KLHL1: variants seen among roughly 807,000 people sequenced by gnomAD.
The protein encoded by KLHL1 is kelch-like protein 1.
KLHL1 carries 47 observed loss-of-function variants against 77.7 expected under a neutral mutation model. The ratio of observed to expected loss-of-function variants is 0.60; its 90% CI spans 0.48 to 0.77. The LOEUF is 0.77. KLHL1 is among the 30% of genes least tolerant of loss of function. The pLI, the probability that KLHL1 is intolerant of heterozygous loss-of-function variation, is 0.00. For missense variants in KLHL1, 925 were observed against 910.8 expected (o/e 1.02, Z -0.20); for synonymous variants, 360 against 325.2 (o/e 1.11, Z -1.15).
intron 7 of KLHL1, among the ~76,000 whole-genome samples, chr13:69,767,765 A>C (rs530116913): frequency 3.3e-5 from 5 of 152,228 alleles, no homozygotes; most frequent in African/African-American, 1.2e-4. Flanking sequence ...TAGGCTTCTA[A>C]TTCAATTTAC....
intron 1 of KLHL1, among the ~76,000 whole-genome samples, chr13:69,990,828 C>G (rs1174096123): frequency 6.6e-6 from 1 of 152,000 alleles, no homozygotes; most frequent in African/African-American, 2.4e-5. Flanking sequence ...CTCCAGAACT[C>G]TCCACTCAGA....
intron 4 of KLHL1, among the ~76,000 whole-genome samples, chr13:69,925,117 C>T (rs1178810657): frequency 6.6e-6 from 1 of 152,096 alleles, no homozygotes; most frequent in Non-Finnish European, 1.5e-5. Context: ...AAAACTCAGG[C>T]AAAGGCACCA....
chr13:69,827,651 AC>A (rs1878600886), intron 6 of KLHL1, among the ~76,000 whole-genome samples: 1 of 149,386 alleles, frequency 6.7e-6, no homozygotes, highest in South Asian at 2.1e-4. Context: ...AATCTCGTGA[AC>A]CCCAGGAGTC....
intron 2 of KLHL1, among the ~76,000 whole-genome samples, chr13:69,963,206 G>T (rs1884118954): frequency 2.2e-5 from 2 of 92,222 alleles, no homozygotes; most frequent in Admixed American, 2.2e-4. Flanking sequence ...GGGACAGCAT[G>T]CACAACCACC....
At chr13:69,901,462 G>A (rs530214539) in intron 4 of KLHL1, among the ~76,000 whole-genome samples, 1 of 152,182 alleles carries the variant, frequency 6.6e-6, no homozygotes, top group Non-Finnish European at 1.5e-5. Context: ...CAATTTGAAA[G>A]AAGTGTCTAT....
At chr13:69,997,660 A>AATATT (rs541837995) in intron 1 of KLHL1, among the ~76,000 whole-genome samples, 1,461 of 128,694 alleles carry the variant, frequency 0.011, 23 homozygotes, top group African/African-American at 0.04. Context: ...CTGACTAAAT[A>AATATT]ATATATTATA....
At chr13:70,065,694 T>C (rs1385473843) in intron 1 of KLHL1, among the ~76,000 whole-genome samples, 1 of 152,160 alleles carries the variant, frequency 6.6e-6, no homozygotes, top group Non-Finnish European at 1.5e-5. Flanking sequence ...GACAACAAAC[T>C]GTAAAGAGGA....
At chr13:70,019,297 T>C (rs185174486) in intron 1 of KLHL1, among the ~76,000 whole-genome samples, 1 of 152,162 alleles carries the variant, frequency 6.6e-6, no homozygotes, top group East Asian at 1.9e-4. Context: ...CCTGGGGAGA[T>C]GGACTAATAG....
chr13:69,840,302 C>A (rs1879195225), intron 5 of KLHL1, among the ~76,000 whole-genome samples: 1 of 151,906 alleles, frequency 6.6e-6, no homozygotes, highest in Non-Finnish European at 1.5e-5. Context: ...CGGCTCACTG[C>A]AACCTCTGCT....
intron 6 of KLHL1, among the ~76,000 whole-genome samples, chr13:69,813,950 G>A (rs2098099137): frequency 6.6e-6 from 1 of 152,022 alleles, no homozygotes; most frequent in Non-Finnish European, 1.5e-5. Flanking sequence ...GAAATCCTAA[G>A]CAAAAAGAAT....
intron 8 of KLHL1, among the ~76,000 whole-genome samples, chr13:69,735,497 G>A (rs527339746): frequency 1.3e-5 from 2 of 149,724 alleles, no homozygotes; most frequent in East Asian, 4.0e-4. Flanking sequence ...TATGCATTTA[G>A]TTAAATGGTT....
At chr13:69,797,678 AAT>A (rs1390920221) in intron 6 of KLHL1, among the ~76,000 whole-genome samples, 1 of 142,052 alleles carries the variant, frequency 7.0e-6, no homozygotes. Flanking sequence ...AAAAAAAAAA[AAT>A]TAGCTGGGCA....
At chr13:69,843,645 T>A (rs1213564860) in intron 5 of KLHL1, among the ~76,000 whole-genome samples, 1 of 151,756 alleles carries the variant, frequency 6.6e-6, no homozygotes, top group Non-Finnish European at 1.5e-5. Flanking sequence ...AAAAATTATA[T>A]GTTAGTGGTA....
chr13:69,738,352 T>C (rs191348381), intron 8 of KLHL1, among the ~76,000 whole-genome samples: 3 of 152,144 alleles, frequency 2.0e-5, no homozygotes, highest in East Asian at 1.9e-4. Flanking sequence ...CTCCAAATGA[T>C]AGCAACATGT....
At position 69,896,656 on chromosome 13, in the gene KLHL1, G is replaced by A. The variant is rs538080322; in HGVS notation, c.1015-14161C>T. Among the ~76,000 whole-genome samples the A allele has an allele frequency of 8.2e-4, 124 of 151,002 alleles. 1 individual carries two copies. Among genetic ancestry groups the A allele is most frequent in the Admixed American group, 2.2e-3 (33 of 15,202 alleles). On this transcript the variant is annotated intron_variant, in intron 4 of 10. Coordinates refer to ENST00000377844, the MANE Select transcript of KLHL1 (RefSeq NM_020866.3). ...AAGATGAAAAAGGGATGGCTTTACCGTCAAAGTATTAAAATTTTTTTTTTT... is the reference window on the plus strand; with the variant it reads ...AAGATGAAAAAGGGATGGCTTTACCATCAAAGTATTAAAATTTTTTTTTTT...
At chr13:70,068,185 C>A (rs1887055719) in intron 1 of KLHL1, among the ~76,000 whole-genome samples, 1 of 151,260 alleles carries the variant, frequency 6.6e-6, no homozygotes, top group Admixed American at 6.6e-5. Context: ...ACTAAAAATA[C>A]AAAAAATTGG....
intron 4 of KLHL1, among the ~76,000 whole-genome samples, chr13:69,889,743 G>A (rs917076317): frequency 6.6e-6 from 1 of 151,964 alleles, no homozygotes; most frequent in African/African-American, 2.4e-5. Context: ...TGGGTTTCTT[G>A]TATGTAAATG....
chr13:70,018,847 G>C (rs1035064194), intron 1 of KLHL1, among the ~76,000 whole-genome samples: 7 of 152,118 alleles, frequency 4.6e-5, no homozygotes, highest in African/African-American at 1.7e-4. Flanking sequence ...GTAAAGTATA[G>C]GAAAACATAT....
At chr13:69,863,579 A>C (rs1483992463) in intron 5 of KLHL1, among the ~76,000 whole-genome samples, 1 of 151,044 alleles carries the variant, frequency 6.6e-6, no homozygotes, top group Admixed American at 6.6e-5. Context: ...TGAATTTATG[A>C]TTTTTTTTTG....
Sources: gnomAD v4.1 joint callset for allele counts (sites outside exome capture counted in the v4.1 genomes callset) on GRCh38, gnomAD v4.1.1 for gene constraint, MANE v1.5 for transcripts, NCBI Gene and HGNC (gene_info 2026-07-23, HGNC 2026-07-21) for gene names.